HOMER1: variants seen among roughly 807,000 people sequenced by gnomAD.
HOMER1 encodes the protein homer protein homolog 1.
A neutral mutation model predicts 48.9 loss-of-function variants in HOMER1; 3 were observed. The observed-to-expected ratio is 0.06, with a 90% CI of 0.03 to 0.16. HOMER1 has a LOEUF of 0.16. Ranked by LOEUF, HOMER1 falls within the 10% of genes least tolerant of loss-of-function variation. The pLI, the probability that HOMER1 is intolerant of heterozygous loss-of-function variation, is 1.00. For synonymous variants in HOMER1, 134 were observed against 146.4 expected (o/e 0.92, Z 0.61); for missense variants, 247 against 411.4 (o/e 0.60, Z 3.46).
At chr5:79,420,905 A>C (rs1468078381) in intron 5 of HOMER1, among the ~76,000 whole-genome samples, 1 of 152,198 alleles carries the variant, frequency 6.6e-6, no homozygotes, top group Non-Finnish European at 1.5e-5. Flanking sequence ...AGAGTTGCTC[A>C]TGCTCAGTCT....
In HOMER1 at chr5:79,489,524, T is replaced by G. The variant is rs932117957; in HGVS notation, c.5+23246A>C. ...GTGAGCCGAGATTGCGCCACTGTACTCCAGCCTGGGCGACAGAGCAAGACT... is the reference window on the plus strand; with the variant it reads ...GTGAGCCGAGATTGCGCCACTGTACGCCAGCCTGGGCGACAGAGCAAGACT... On this transcript the variant is annotated intron_variant, in intron 1 of 8. Transcript: ENST00000334082. 3.6e-4 allele frequency among the ~76,000 whole-genome samples: 54 copies of G among 152,012 alleles called. 1 individual carries two copies. Among genetic ancestry groups the G allele is most frequent in the South Asian group, 1.5e-3 (7 of 4,802 alleles).
chr5:79,390,839 C>T (rs530873865), intron 8 of HOMER1, among the ~76,000 whole-genome samples: 1 of 152,120 alleles, frequency 6.6e-6, no homozygotes, highest in South Asian at 2.1e-4. Context: ...TTTCATACAG[C>T]TGTTGTATGA....
At chr5:79,472,753 T>C (rs1349900612) in intron 1 of HOMER1, among the ~76,000 whole-genome samples, 3 of 152,012 alleles carry the variant, frequency 2.0e-5, no homozygotes, top group Non-Finnish European at 4.4e-5. Context: ...TACTCCAGCC[T>C]GGGCAACAGA....
At chr5:79,461,894 A>T (rs541062077) in intron 1 of HOMER1, among the ~76,000 whole-genome samples, 2 of 152,172 alleles carry the variant, frequency 1.3e-5, no homozygotes, top group African/African-American at 4.8e-5. Flanking sequence ...TCTAAAAATC[A>T]ATTTTAAAGA....
chr5:79,451,285 TGG>T (rs1751019530), intron 2 of HOMER1, among the ~76,000 whole-genome samples, 164 bp from the exon 3 acceptor site: 1 of 152,206 alleles, frequency 6.6e-6, no homozygotes, highest in Admixed American at 6.5e-5. Context: ...AGTGATAGTG[TGG>T]AAATATGTTA....
intron 1 of HOMER1, among the ~76,000 whole-genome samples, chr5:79,463,259 A>T (rs1289629590): frequency 6.6e-6 from 1 of 152,214 alleles, no homozygotes; most frequent in Non-Finnish European, 1.5e-5. Context: ...AAGTTGGGTT[A>T]GGAATGGACC....
chr5:79,436,739 T>C (rs1239460293), intron 5 of HOMER1, among the ~76,000 whole-genome samples: 1 of 152,208 alleles, frequency 6.6e-6, no homozygotes, highest in Non-Finnish European at 1.5e-5. Flanking sequence ...TTCTTCTAGC[T>C]CTGATATTCT....
Position 79,508,233 on chromosome 5 carries a change from C to T in HOMER1, c.5+4537G>A, listed in dbSNP as rs140466757. The stretch of plus-strand genomic sequence containing the variant: ...TTCAAATTACCAGTTGCTAACACAG[C>T]GTCATTAAATAAATTGAGTGGGTCA... On this transcript the variant is annotated intron_variant, in intron 1 of 8. Transcript: ENST00000334082. Among the ~76,000 whole-genome samples the T allele has an allele frequency of 7.2e-5, 11 of 152,250 alleles. No individual in the cohort carries two copies. In the East Asian group the frequency reaches 1.5e-3, roughly 21 times the overall value.
At chr5:79,396,021 C>T (rs1749374205) in intron 8 of HOMER1, among the ~76,000 whole-genome samples, 1 of 152,118 alleles carries the variant, frequency 6.6e-6, no homozygotes, top group African/African-American at 2.4e-5. Context: ...CCAAAGTCAT[C>T]CTAACCCTTC....
chr5:79,407,544 A>G (rs1374869742), intron 5 of HOMER1, among the ~76,000 whole-genome samples: 1 of 152,244 alleles, frequency 6.6e-6, no homozygotes, highest in Non-Finnish European at 1.5e-5. Flanking sequence ...GAACATAACA[A>G]CAGAGGTGAA....
intron 8 of HOMER1, among the ~76,000 whole-genome samples, chr5:79,379,079 C>CATATATATATATATATATTAT (rs1748856714): frequency 1.8e-5 from 1 of 55,214 alleles, no homozygotes; most frequent in Non-Finnish European, 4.0e-5. Context: ...ACCTTTTGTC[C>CATATATATATATATATATTAT]ATATATATAT....
chr5:79,385,621 C>T (rs1017866282), intron 8 of HOMER1, among the ~76,000 whole-genome samples: 1 of 152,018 alleles, frequency 6.6e-6, no homozygotes, highest in South Asian at 2.1e-4. Flanking sequence ...GCAGGTGGAT[C>T]ACCTAAGGTC....
intron 8 of HOMER1, among the ~76,000 whole-genome samples, chr5:79,387,179 G>T (rs754783568): frequency 2.6e-5 from 4 of 151,368 alleles, no homozygotes; most frequent in Non-Finnish European, 5.9e-5. Context: ...TCACCCAGAC[G>T]TGCAGTGGTG....
intron 3 of HOMER1, among the ~76,000 whole-genome samples, chr5:79,450,201 C>G (rs1047153976): frequency 6.6e-6 from 1 of 152,142 alleles, no homozygotes; most frequent in Non-Finnish European, 1.5e-5. Flanking sequence ...ATGCTTCAAA[C>G]AGAGGTTTTA....
chr5:79,495,998 C>G (rs1370570374), intron 1 of HOMER1, among the ~76,000 whole-genome samples: 1 of 152,072 alleles, frequency 6.6e-6, no homozygotes, highest in Non-Finnish European at 1.5e-5. Flanking sequence ...CCTATAACAC[C>G]AAAGACTGTA....
intron 6 of HOMER1, chr5:79,397,940 C>T: frequency 5.4e-6 from 1 of 185,202 alleles, no homozygotes; most frequent in Non-Finnish European, 1.1e-5. Context: ...CTTCCAAAAA[C>T]ATATTCAAGA....
intron 8 of HOMER1, among the ~76,000 whole-genome samples, chr5:79,385,585 T>C (rs1039492794): frequency 3.3e-5 from 5 of 152,132 alleles, no homozygotes; most frequent in African/African-American, 1.2e-4. Context: ...CTCATGCCTA[T>C]GGTCCTAGCA....
intron 1 of HOMER1, among the ~76,000 whole-genome samples, chr5:79,491,418 G>A (rs553980424): frequency 5.3e-5 from 6 of 112,290 alleles, no homozygotes; most frequent in African/African-American, 2.2e-4. Flanking sequence ...CAGCCTGGAT[G>A]ACAGAGCGAG....
chr5:79,429,228 T>C (rs540370534), intron 5 of HOMER1, among the ~76,000 whole-genome samples: 91 of 152,020 alleles, frequency 6.0e-4, no homozygotes, highest in Admixed American at 1.0e-3. Context: ...TGGTGGCGCA[T>C]GCCTATAATC....
Sources: gnomAD v4.1 joint callset for allele counts (sites outside exome capture counted in the v4.1 genomes callset) on GRCh38, gnomAD v4.1.1 for gene constraint, MANE v1.5 for transcripts, NCBI Gene and HGNC (gene_info 2026-07-23, HGNC 2026-07-21) for gene names.